DCUN1D2: variants seen among roughly 807,000 people sequenced by gnomAD.
DCUN1D2 encodes defective in cullin neddylation 1 domain containing 2.
DCUN1D2 carries 29 observed loss-of-function variants against 30.9 expected under a neutral mutation model. The ratio of observed to expected loss-of-function variants is 0.94; its 90% CI spans 0.70 to 1.28. The LOEUF (loss-of-function observed/expected upper bound fraction) is 1.28. Ranked by LOEUF, DCUN1D2 falls within the 50% of genes most tolerant of loss-of-function variation. The pLI, the probability that DCUN1D2 is intolerant of heterozygous loss-of-function variation, is 0.00. For missense variants in DCUN1D2, 325 were observed against 316.9 expected, an observed-to-expected ratio of 1.03 and a Z score of -0.19; for synonymous variants, 121 against 115.3, an observed-to-expected ratio of 1.05 and a Z score of -0.32.
At chr13:113,469,163 C>T (rs1041792175) in intron 4 of DCUN1D2, among the ~76,000 whole-genome samples, 4 of 151,862 alleles carry the variant, frequency 2.6e-5, no homozygotes, top group African/African-American at 9.7e-5. Context: ...CACACACACA[C>T]ACACACACAC....
chr13:113,476,444 C>T (rs2044619328), intron 3 of DCUN1D2, among the ~76,000 whole-genome samples: 1 of 152,188 alleles, frequency 6.6e-6, no homozygotes, highest in Non-Finnish European at 1.5e-5. Flanking sequence ...CATCTTATAC[C>T]TTAACTGGCC....
Position 113,489,000 on chromosome 13 carries a change from T to G in DCUN1D2, c.3+1667A>C. 2.2e-6 allele frequency: 1 copy of G among 448,372 alleles called. No individual in the cohort carries two copies. Among genetic ancestry groups the G allele is most frequent in the Non-Finnish European group, 2.9e-6 (1 of 339,280 alleles). The allele number at this position is 448,372 out of a possible 1,614,324, so 27.8% of individuals were successfully genotyped here. A position where few individuals can be genotyped will look rare whatever the true frequency, so the allele number is the denominator to read the frequency against. On this transcript the variant is annotated intron_variant, in intron 1 of 6. Transcript: ENST00000478244. This position sits in a 1 kb window ranked among gnomAD's most constrained non-coding sequence, Gnocchi z 4.3. Reference sequence around the variant, plus strand: ...CTCAAACACTTTAATTGTGACCTTGTGAAATACGACTCATATAATCTGGCA... The same window carrying G: ...CTCAAACACTTTAATTGTGACCTTGGGAAATACGACTCATATAATCTGGCA...
intron 4 of DCUN1D2, among the ~76,000 whole-genome samples, chr13:113,472,556 G>A (rs1034624193): frequency 9.2e-5 from 14 of 152,196 alleles, no homozygotes; most frequent in Non-Finnish European, 1.8e-4. Context: ...CTGACCCTCG[G>A]TCGAAGGAAG....
At chr13:113,483,719 G>A in intron 2 of DCUN1D2, 121 bp downstream of exon 2, 2 of 907,758 alleles carry the variant, frequency 2.2e-6, no homozygotes, top group Non-Finnish European at 3.4e-6. Context: ...AGCGCTGAGC[G>A]TGGGGAGGAG....
At chr13:113,467,499 CAAA>C (rs58117378) in intron 4 of DCUN1D2, among the ~76,000 whole-genome samples, 2 of 131,846 alleles carry the variant, frequency 1.5e-5, no homozygotes, top group African/African-American at 2.7e-5. Flanking sequence ...GACACCACTG[CAAA>C]AAAAAAAAAA....
intron 1 of DCUN1D2, among the ~76,000 whole-genome samples, chr13:113,484,418 A>G (rs2260803): frequency 0.39 from 59,695 of 152,092 alleles, 12,887 homozygotes; most frequent in African/African-American, 0.57. Context: ...AGCGGGGGTC[A>G]CAGCTGCAGT....
In DCUN1D2 at chr13:113,484,033, C is replaced by T. The variant is rs1449077461; in HGVS notation, c.27G>A (p.Lys9=). ...ACGCCATAAACTGGCGGACCTTGTC[C>T]TTCTGAGACGATTTAAGCTTATGCT... is the stretch of plus-strand genomic sequence containing the variant. The part of the protein sequence containing the change: MHKLKSSQ[K]DKVRQFMACT... The change falls in exon 2 of 7, where the codon AAG becomes AAA. Residue 9 remains lysine (K), a synonymous_variant. Transcript: ENST00000478244. 1 of 1,614,018 alleles carries T rather than the reference C, an allele frequency of 6.2e-7. No homozygotes were observed. Among genetic ancestry groups the T allele is most frequent in the Non-Finnish European group, 8.5e-7 (1 of 1,180,040 alleles).
chr13:113,480,329 A>G, intron 3 of DCUN1D2: 1 of 338,070 alleles, frequency 3.0e-6, no homozygotes, highest in East Asian at 5.2e-5. Flanking sequence ...ACTCAAAAAG[A>G]AGAAAATGAG....
Position 113,461,258 on chromosome 13 carries a change from TCATGAGG to T in DCUN1D2, c.521-129_521-123del, listed in dbSNP as rs1364707403. 5.5e-5 allele frequency: 35 copies of T among 641,578 alleles called. No homozygotes were observed. The East Asian group carries it at 9.5e-4, about 17-fold the overall frequency. The allele number at this position is 641,578 out of a possible 1,614,324, so 39.7% of individuals were successfully genotyped here. A position where few individuals can be genotyped will look rare whatever the true frequency, so the allele number is the denominator to read the frequency against. ...AAAATGTGGCAATCTCACCCAAGAG[TCATGAGG>T]CTTAATCTCTACGGAAGTGCTCCTG... On this transcript the variant is annotated intron_variant, in intron 4 of 6. Coordinates refer to ENST00000478244, the MANE Select transcript of DCUN1D2 (RefSeq NM_001014283.2).
At chr13:113,472,300 AT>A (rs916058067) in intron 4 of DCUN1D2, among the ~76,000 whole-genome samples, 15 of 152,178 alleles carry the variant, frequency 9.9e-5, no homozygotes, top group Admixed American at 5.2e-4. Context: ...AATAAAAAAA[AT>A]AAAAAAATAA....
intron 3 of DCUN1D2, chr13:113,478,892 T>G (rs983966572): frequency 3.9e-5 from 6 of 152,014 alleles, no homozygotes; most frequent in Middle Eastern, 3.2e-3. Flanking sequence ...TAATAAAGTT[T>G]TTTTTTTTTT....
At chr13:113,484,816 T>C (rs2044772933) in intron 1 of DCUN1D2, among the ~76,000 whole-genome samples, 1 of 152,214 alleles carries the variant, frequency 6.6e-6, no homozygotes, top group Non-Finnish European at 1.5e-5. Flanking sequence ...CTAAAGTAAC[T>C]TGATGATGTA....
chr13:113,473,036 C>T (rs1025924450), intron 4 of DCUN1D2, among the ~76,000 whole-genome samples: 4 of 133,406 alleles, frequency 3.0e-5, no homozygotes, highest in Non-Finnish European at 1.6e-5. Flanking sequence ...TGTCTCTGCC[C>T]GTGTCCCCCC....
At chr13:113,473,858 A>C (rs138703305) in intron 4 of DCUN1D2, among the ~76,000 whole-genome samples, 115 of 152,366 alleles carry the variant, frequency 7.5e-4, no homozygotes, top group African/African-American at 2.7e-3. Context: ...AAATGAAAAT[A>C]GCCAGATGCG....
intron 4 of DCUN1D2, among the ~76,000 whole-genome samples, chr13:113,465,283 T>C (rs566590075): frequency 6.6e-6 from 1 of 152,286 alleles, no homozygotes; most frequent in South Asian, 2.1e-4. Flanking sequence ...TATTTTAAAA[T>C]TTGGATCAGA....
upstream of DCUN1D2, chr13:113,490,754 G>C: frequency 8.8e-7 from 1 of 1,138,722 alleles, no homozygotes; most frequent in Non-Finnish European, 1.1e-6. The surrounding 1 kb of genome is among the most constrained non-coding windows in gnomAD (Gnocchi z 5.2). Flanking sequence ...GGACGGCCGC[G>C]GCCCTCGGCT....
At chr13:113,477,899 GT>G (rs564295038) in intron 3 of DCUN1D2, among the ~76,000 whole-genome samples, 82 of 152,154 alleles carry the variant, frequency 5.4e-4, no homozygotes, top group Non-Finnish European at 1.1e-3. Flanking sequence ...ATCGTCTTGG[GT>G]TTTTTGCTAA....
At position 113,456,253 on chromosome 13, in the gene DCUN1D2, C is replaced by T; in HGVS notation, c.*1776G>A. 2.5e-6 allele frequency: 1 copy of T among 398,818 alleles called. No individual in the cohort carries two copies. Among genetic ancestry groups the T allele is most frequent in the Non-Finnish European group, 4.4e-6 (1 of 226,198 alleles). The allele number at this position is 398,818 out of a possible 1,614,324, so 24.7% of individuals were successfully genotyped here. A position where few individuals can be genotyped will look rare whatever the true frequency, so the allele number is the denominator to read the frequency against. On this transcript the variant is annotated 3_prime_UTR_variant, in exon 7 of 7. Transcript: ENST00000478244. ...TGTCACTTGCCCATCACTGGACCAG[C>T]CAGAAGCCAGCGGGGGCCAGGCGGG... is the stretch of plus-strand genomic sequence containing the variant.
chr13:113,459,975 G>A (rs1241139234), intron 5 of DCUN1D2, among the ~76,000 whole-genome samples: 1 of 152,198 alleles, frequency 6.6e-6, no homozygotes, highest in African/African-American at 2.4e-5. Flanking sequence ...CAATGACACT[G>A]TGAGCGCCTT....
Sources: allele counts gnomAD v4.1 joint callset (sites outside exome capture counted in the v4.1 genomes callset), GRCh38; gene constraint gnomAD v4.1.1; non-coding constraint Gnocchi (gnomAD v3.1); transcripts MANE v1.5; gene names NCBI Gene and HGNC (gene_info 2026-07-23, HGNC 2026-07-21).